The following ST6GALNAC3 variants were observed in gnomAD, a reference collection of about 807,000 sequenced individuals.
ST6GALNAC3 encodes the protein alpha-N-acetylgalactosaminide alpha-2,6-sialyltransferase 3.
In ST6GALNAC3, 25 loss-of-function variants were observed where a neutral mutation model predicts 32.7. That is an observed-to-expected ratio of 0.76 (90% CI 0.56 to 1.07). The LOEUF is 1.07. Ranked by LOEUF, ST6GALNAC3 falls within the 50% of genes least tolerant of loss-of-function variation. The pLI, the probability that ST6GALNAC3 is intolerant of heterozygous loss-of-function variation, is 0.00. For synonymous variants in ST6GALNAC3, 129 were observed against 133.1 expected (o/e 0.97, Z 0.21); for missense variants, 355 against 382.4 (o/e 0.93, Z 0.60).
intron 3 of ST6GALNAC3, among the ~76,000 whole-genome samples, chr1:76,602,316 C>T (rs994252300): frequency 3.3e-5 from 5 of 151,848 alleles, no homozygotes; most frequent in East Asian, 2.0e-4. Flanking sequence ...TGTTCATGCG[C>T]GCACGTGTGT....
At chr1:76,165,273 G>T (rs533449313) in intron 1 of ST6GALNAC3, among the ~76,000 whole-genome samples, 80 of 152,132 alleles carry the variant, frequency 5.3e-4, no homozygotes, top group Middle Eastern at 3.4e-3. Context: ...TGCAGTATTT[G>T]GTTTTCTATT....
rs150325014 is a variant in ST6GALNAC3 at position 76,509,665 on chromosome 1, T to C, written c.623+97248T>C. On this transcript the variant is annotated intron_variant, in intron 3 of 4. Transcript: ENST00000328299. This position sits in a 1 kb window ranked among gnomAD's most constrained non-coding sequence, Gnocchi z 5.5. ...AAGTTAGAAGTCTAAAATGGGTTGTTAGGGCTGCATTCCTTCTGGAAGATC... is the reference window on the plus strand; with the variant it reads ...AAGTTAGAAGTCTAAAATGGGTTGTCAGGGCTGCATTCCTTCTGGAAGATC... 3.8e-3 allele frequency among the ~76,000 whole-genome samples: 577 copies of C among 152,310 alleles called. 4 individuals carry two copies. Among genetic ancestry groups the C allele is most frequent in the African/African-American group, 0.013 (552 of 41,576 alleles).
intron 2 of ST6GALNAC3, among the ~76,000 whole-genome samples, chr1:76,362,327 C>A (rs1047709829): frequency 1.3e-5 from 2 of 152,070 alleles, no homozygotes; most frequent in African/African-American, 2.4e-5. Context: ...CCCACCAGAC[C>A]CCATCTGCAA....
chr1:76,350,679 A>G (rs867941763), intron 2 of ST6GALNAC3, among the ~76,000 whole-genome samples: 2 of 152,184 alleles, frequency 1.3e-5, no homozygotes, highest in Non-Finnish European at 1.5e-5. Flanking sequence ...GCCTTGTGTT[A>G]TATCAACTCT....
At chr1:76,618,646 C>T (rs1333149623) in intron 3 of ST6GALNAC3, among the ~76,000 whole-genome samples, 2 of 152,180 alleles carry the variant, frequency 1.3e-5, no homozygotes, top group East Asian at 1.9e-4. Context: ...CTTAGCTGGC[C>T]GTGGCTCCAG....
chr1:76,159,404 G>A (rs1557662499), intron 1 of ST6GALNAC3, among the ~76,000 whole-genome samples: 1 of 152,072 alleles, frequency 6.6e-6, no homozygotes, highest in Non-Finnish European at 1.5e-5. Flanking sequence ...GGCTGGTCTC[G>A]AACTCCTAGC....
chr1:76,204,962 T>C (rs976414070), intron 1 of ST6GALNAC3, among the ~76,000 whole-genome samples: 11 of 152,208 alleles, frequency 7.2e-5, no homozygotes, highest in African/African-American at 2.7e-4. Context: ...GAAAATGCCA[T>C]GCACATAGTG....
intron 3 of ST6GALNAC3, among the ~76,000 whole-genome samples, chr1:76,609,303 C>T (rs1647768341): frequency 1.3e-5 from 2 of 152,098 alleles, no homozygotes; most frequent in Admixed American, 1.3e-4. Context: ...TAACAGTATA[C>T]TCACTTTTCT....
intron 1 of ST6GALNAC3, among the ~76,000 whole-genome samples, chr1:76,140,389 A>G (rs1294965971): frequency 6.6e-6 from 1 of 152,126 alleles, no homozygotes; most frequent in East Asian, 1.9e-4. Flanking sequence ...GTGTGACTCC[A>G]AAGCTACCTG....
intron 1 of ST6GALNAC3, among the ~76,000 whole-genome samples, chr1:76,299,347 A>G (rs1430015806): frequency 2.0e-5 from 3 of 152,042 alleles, no homozygotes; most frequent in Non-Finnish European, 4.4e-5. Flanking sequence ...TGTGTGCACA[A>G]GGCTTCTGGC....
At chr1:76,353,285 G>A (rs750310811) in intron 2 of ST6GALNAC3, among the ~76,000 whole-genome samples, 9 of 152,066 alleles carry the variant, frequency 5.9e-5, no homozygotes, top group South Asian at 4.2e-4. Context: ...GGGCCCACGC[G>A]TTTCTGTGGC....
intron 4 of ST6GALNAC3, 112 bp from the exon 5 acceptor site, chr1:76,628,508 T>C: frequency 2.0e-6 from 2 of 987,678 alleles, no homozygotes; most frequent in South Asian, 1.9e-5. Context: ...ACAAGAATCA[T>C]GTATGGGTTT....
intron 1 of ST6GALNAC3, chr1:76,309,875 G>A: frequency 2.2e-6 from 1 of 446,526 alleles, no homozygotes; most frequent in Non-Finnish European, 4.5e-6. Flanking sequence ...GATAGAACAT[G>A]AGAGGCAGAC....
At chr1:76,232,947 A>G (rs529087638) in intron 1 of ST6GALNAC3, among the ~76,000 whole-genome samples, 22 of 152,248 alleles carry the variant, frequency 1.4e-4, no homozygotes, top group African/African-American at 5.1e-4. Flanking sequence ...ACCACCTAGG[A>G]ACCATGTGAC....
intron 3 of ST6GALNAC3, among the ~76,000 whole-genome samples, chr1:76,506,628 CATTT>C (rs1661494950): frequency 6.6e-6 from 1 of 152,176 alleles, no homozygotes; most frequent in Admixed American, 6.5e-5. Flanking sequence ...TTCCAAGACA[CATTT>C]ATACTTGAAG....
chr1:76,349,709 T>A (rs550440373), intron 2 of ST6GALNAC3, among the ~76,000 whole-genome samples: 5 of 152,356 alleles, frequency 3.3e-5, no homozygotes, highest in African/African-American at 9.6e-5. Flanking sequence ...TTGACTCCTC[T>A]CTATAAAAAA....
intron 1 of ST6GALNAC3, among the ~76,000 whole-genome samples, chr1:76,113,341 AGGGAGG>A (rs371571830): frequency 0.073 from 778 of 10,672 alleles, 16 homozygotes; most frequent in African/African-American, 0.12. Context: ...GAGACGGGAG[AGGGAGG>A]GGGAGGGGGA....
At chr1:76,333,653 C>T (rs1448725405) in intron 2 of ST6GALNAC3, among the ~76,000 whole-genome samples, 1 of 152,150 alleles carries the variant, frequency 6.6e-6, no homozygotes, top group Non-Finnish European at 1.5e-5. Context: ...GTGAATCTGG[C>T]TGTCCTTGGT....
In ST6GALNAC3 at chr1:76,425,283, T is replaced by C. The variant is rs1454180757; in HGVS notation, c.623+12866T>C. On this transcript the variant is annotated intron_variant, in intron 3 of 4. Coordinates refer to ENST00000328299, the MANE Select transcript of ST6GALNAC3 (RefSeq NM_152996.4). ...CTATGCAAATAGGGGCTTTCAAGGA[T>C]GCAAAAGTAGCAACTTCCCCTATTA... 2.0e-5 allele frequency among the ~76,000 whole-genome samples: 3 copies of C among 152,092 alleles called. No individual in the cohort carries two copies. In the East Asian group the frequency reaches 5.8e-4, roughly 29 times the overall value.
Sources: gnomAD v4.1 joint callset for allele counts (sites outside exome capture counted in the v4.1 genomes callset) on GRCh38, gnomAD v4.1.1 for gene constraint, Gnocchi (gnomAD v3.1) non-coding constraint, MANE v1.5 for transcripts, NCBI Gene and HGNC (gene_info 2026-07-23, HGNC 2026-07-21) for gene names.